Variants in TAB2 observed in about 807,000 individuals in gnomAD.
TAB2 encodes the protein TGF-beta activated kinase 1 (MAP3K7) binding protein 2.
In TAB2, 3 loss-of-function variants were observed where a neutral mutation model predicts 65.0. That is an observed-to-expected ratio of 0.05 (90% CI 0.02 to 0.12). The LOEUF is 0.12. Ranked by LOEUF, TAB2 falls within the 10% of genes least tolerant of loss-of-function variation. The pLI, the probability that TAB2 is intolerant of heterozygous loss-of-function variation, is 1.00. For synonymous variants in TAB2, 298 were observed against 285.1 expected (o/e 1.05, Z -0.46); for missense variants, 623 against 840.3 (o/e 0.74, Z 3.20).
chr6:149,404,510 A>G (rs538746082), intron 6 of TAB2, among the ~76,000 whole-genome samples: 1 of 152,324 alleles, frequency 6.6e-6, no homozygotes. Flanking sequence ...AGAGCTGGAG[A>G]CATCACATTC....
intron 1 of TAB2, chr6:149,342,968 T>A (rs1780175517): frequency 6.6e-6 from 1 of 152,202 alleles, no homozygotes; most frequent in African/African-American, 2.4e-5. Context: ...AACATCTAGG[T>A]AACATGCAGC....
chr6:149,403,424 C>A (rs1250168169), intron 6 of TAB2, among the ~76,000 whole-genome samples: 1 of 147,304 alleles, frequency 6.8e-6, no homozygotes, highest in Non-Finnish European at 1.5e-5. Context: ...TATAAAAACC[C>A]CATAGGTAAT....
At chr6:149,403,285 C>CAT (rs1782528355) in intron 6 of TAB2, among the ~76,000 whole-genome samples, 3 of 22,338 alleles carry the variant, frequency 1.3e-4, no homozygotes, top group African/African-American at 5.8e-4. Flanking sequence ...TATATATATA[C>CAT]ACACACACAC....
intron 1 of TAB2, among the ~76,000 whole-genome samples, chr6:149,329,682 G>C (rs1310694779): frequency 7.1e-6 from 1 of 141,824 alleles, no homozygotes; most frequent in Non-Finnish European, 1.6e-5. Context: ...GGCGGGGTTG[G>C]GGGGTGGAAG....
chr6:149,287,154 T>C (rs1778690967), intron 1 of TAB2, among the ~76,000 whole-genome samples: 1 of 152,108 alleles, frequency 6.6e-6, no homozygotes, highest in South Asian at 2.1e-4. Context: ...AGATATTGTT[T>C]ACCTTCAACT....
At chr6:149,243,285 A>G (rs1251296248) in intron 1 of TAB2, 2 of 152,242 alleles carry the variant, frequency 1.3e-5, no homozygotes, top group Non-Finnish European at 2.9e-5. Flanking sequence ...CACACTCTCC[A>G]GACGTAAATG....
chr6:149,372,149 T>C (rs369969971), intron 2 of TAB2, among the ~76,000 whole-genome samples: 5 of 152,056 alleles, frequency 3.3e-5, no homozygotes, highest in Admixed American at 2.0e-4. Flanking sequence ...GAGTAAAACA[T>C]AGAGCCTTTT....
chr6:149,358,673 T>TGTGTGTGTGTGTGTGTGTGTG (rs71010863), intron 1 of TAB2, among the ~76,000 whole-genome samples: 43 of 150,978 alleles, frequency 2.8e-4, no homozygotes, highest in East Asian at 5.8e-4. Flanking sequence ...TGTGTGTGTG[T>TGTGTGTGTGTGTGTGTGTGTG]TTTCAGTATA....
rs188900401 is a variant in TAB2 at position 149,393,230 on chromosome 6, A to G, written c.1604-4374A>G. ...ACTAGGTATGTCATTTCTAAGTAAT[A>G]TAGTCATTATAACTCTAAAATTTTG... On this transcript the variant is annotated intron_variant, in intron 3 of 6. Coordinates refer to ENST00000637181, the MANE Select transcript of TAB2 (RefSeq NM_001292034.3). Among the ~76,000 whole-genome samples, 4 of 152,336 alleles carry G rather than the reference A, an allele frequency of 2.6e-5. No homozygotes were observed. In the East Asian group the frequency reaches 7.7e-4, roughly 29 times the overall value.
In TAB2 at chr6:149,377,994, A is replaced by T. The variant is rs1486989286; in HGVS notation, c.103-24A>T. 6.9e-6 allele frequency: 11 copies of T among 1,598,816 alleles called. 1 individual carries two copies. Among genetic ancestry groups the T allele is most frequent in the Middle Eastern group, 1.7e-4 (1 of 6,022 alleles). ...GCATTCGCTTCTGATTGTTAACATC[A>T]ATCAATTTATTTTGTTTTCATAGAA... is the stretch of plus-strand genomic sequence containing the variant. On this transcript the variant is annotated intron_variant, in intron 2 of 6. Coordinates refer to ENST00000637181, the MANE Select transcript of TAB2 (RefSeq NM_001292034.3).
chr6:149,371,508 T>A (rs1781225734), intron 2 of TAB2, among the ~76,000 whole-genome samples: 1 of 152,218 alleles, frequency 6.6e-6, no homozygotes, highest in African/African-American at 2.4e-5. Context: ...TTTCTTATAG[T>A]ATAATGGTTA....
intron 1 of TAB2, among the ~76,000 whole-genome samples, chr6:149,234,864 GAAAAA>G (rs386408903): frequency 1.0e-5 from 1 of 95,486 alleles, no homozygotes; most frequent in Non-Finnish European, 2.2e-5. Context: ...TAGAGAGTGT[GAAAAA>G]AAAAAAAAAA....
intron 1 of TAB2, among the ~76,000 whole-genome samples, chr6:149,292,781 C>G (rs1404758368): frequency 2.0e-5 from 3 of 152,142 alleles, no homozygotes. Flanking sequence ...CAACAATGAG[C>G]TTTCTCGGGA....
intron 1 of TAB2, among the ~76,000 whole-genome samples, chr6:149,367,180 A>AGGTATT (rs1307547534): frequency 6.6e-6 from 1 of 152,148 alleles, no homozygotes; most frequent in African/African-American, 2.4e-5. Context: ...AATATATCTC[A>AGGTATT]GGTATTGATA....
chr6:149,229,038 C>A (rs572680970), intron 1 of TAB2, among the ~76,000 whole-genome samples: 1 of 152,292 alleles, frequency 6.6e-6, no homozygotes, highest in East Asian at 1.9e-4. Flanking sequence ...AAGATGGCAG[C>A]AAAGAGTGAC....
chr6:149,393,798 TAAGTA>T (rs141854624), intron 3 of TAB2, among the ~76,000 whole-genome samples: 4,370 of 152,302 alleles, frequency 0.029, 107 homozygotes, highest in South Asian at 0.096. Context: ...CTTTTATCAT[TAAGTA>T]AAGAACATCT....
intron 1 of TAB2, among the ~76,000 whole-genome samples, chr6:149,335,557 A>G (rs1339734403): frequency 6.6e-6 from 1 of 151,918 alleles, no homozygotes; most frequent in Non-Finnish European, 1.5e-5. Flanking sequence ...AACTTTTTGT[A>G]GAGGCAGGGT....
intron 1 of TAB2, among the ~76,000 whole-genome samples, chr6:149,360,705 C>T (rs1186661960): frequency 6.6e-6 from 1 of 152,208 alleles, no homozygotes; most frequent in African/African-American, 2.4e-5. Flanking sequence ...CCAAAAGTTT[C>T]AGCTCATTTC....
intron 1 of TAB2, among the ~76,000 whole-genome samples, chr6:149,295,149 G>A (rs1371310134): frequency 2.0e-5 from 3 of 152,160 alleles, no homozygotes; most frequent in African/African-American, 7.2e-5. Context: ...AGATTCTCTG[G>A]AAGAATTTGT....
Sources: gnomAD v4.1 joint callset for allele counts (sites outside exome capture counted in the v4.1 genomes callset) on GRCh38, gnomAD v4.1.1 for gene constraint, MANE v1.5 for transcripts, NCBI Gene and HGNC (gene_info 2026-07-23, HGNC 2026-07-21) for gene names.